The following GABRB2 variants were observed in gnomAD, a reference collection of about 807,000 sequenced individuals.
The protein encoded by GABRB2 is gamma-aminobutyric acid type A receptor subunit beta2, also known as gamma-aminobutyric acid receptor subunit beta-2.
GABRB2 carries 16 observed loss-of-function variants against 54.7 expected under a neutral mutation model. The observed-to-expected ratio is 0.29, with a 90% CI of 0.20 to 0.44. The LOEUF is 0.44. Ranked by LOEUF, GABRB2 falls within the 20% of genes least tolerant of loss-of-function variation. GABRB2 has a pLI of 1.00. For missense variants in GABRB2, 355 were observed against 644.0 expected, an observed-to-expected ratio of 0.55 and a Z score of 4.86; for synonymous variants, 244 against 233.8, an observed-to-expected ratio of 1.04 and a Z score of -0.40.
At chr5:161,537,554 T>C (rs1235695966) in intron 3 of GABRB2, among the ~76,000 whole-genome samples, 1 of 152,234 alleles carries the variant, frequency 6.6e-6, no homozygotes, top group Admixed American at 6.5e-5. Flanking sequence ...TTTCATCTTA[T>C]AAACACAATA....
At chr5:161,328,613 C>T (rs1194344185) in intron 8 of GABRB2, among the ~76,000 whole-genome samples, 2 of 152,102 alleles carry the variant, frequency 1.3e-5, no homozygotes, top group South Asian at 2.1e-4. Flanking sequence ...CTCATGATGT[C>T]TTGATTCTTA....
At chr5:161,476,156 C>CA (rs1758585284) in intron 3 of GABRB2, among the ~76,000 whole-genome samples, 1 of 151,260 alleles carries the variant, frequency 6.6e-6, no homozygotes, top group Non-Finnish European at 1.5e-5. Flanking sequence ...ATGAGAAATA[C>CA]AAAAAAGGAA....
At chr5:161,441,998 A>T (rs1406416019) in intron 4 of GABRB2, among the ~76,000 whole-genome samples, 1 of 152,144 alleles carries the variant, frequency 6.6e-6, no homozygotes, top group Non-Finnish European at 1.5e-5. Context: ...GGAGATGGGG[A>T]CGGTTATTGC....
intron 5 of GABRB2, among the ~76,000 whole-genome samples, chr5:161,410,337 G>A (rs1219670250): frequency 6.6e-6 from 1 of 151,320 alleles, no homozygotes; most frequent in Non-Finnish European, 1.5e-5. Flanking sequence ...CTAAAATCAT[G>A]GCCTAGGAAA....
At chr5:161,309,468 A>T (rs1279996072) in intron 9 of GABRB2, among the ~76,000 whole-genome samples, 1 of 152,188 alleles carries the variant, frequency 6.6e-6, no homozygotes, top group Admixed American at 6.5e-5. Flanking sequence ...AGAGACCTAA[A>T]GACAGAAATA....
At chr5:161,461,559 T>C (rs972474487) in intron 3 of GABRB2, among the ~76,000 whole-genome samples, 3 of 152,212 alleles carry the variant, frequency 2.0e-5, no homozygotes, top group East Asian at 1.9e-4. Flanking sequence ...CAAAAAGCTA[T>C]ATACTATGAA....
intron 3 of GABRB2, among the ~76,000 whole-genome samples, chr5:161,473,216 C>CA (rs1022707751): frequency 6.6e-6 from 1 of 151,990 alleles, no homozygotes; most frequent in Non-Finnish European, 1.5e-5. Context: ...CTTGATAAAG[C>CA]AATGATAGTA....
intron 5 of GABRB2, among the ~76,000 whole-genome samples, chr5:161,393,859 A>G (rs1755911968): frequency 6.6e-6 from 1 of 152,116 alleles, no homozygotes; most frequent in Non-Finnish European, 1.5e-5. Context: ...AAGCTAATAT[A>G]AACATAGAAA....
At chr5:161,389,571 A>AGTGTGT (rs10666283) in intron 5 of GABRB2, among the ~76,000 whole-genome samples, 3,066 of 145,918 alleles carry the variant, frequency 0.021, 100 homozygotes, top group African/African-American at 0.07. Context: ...ATGTTTGTGG[A>AGTGTGT]GTGTGTGTGT....
chr5:161,407,158 G>A (rs1756370405), intron 5 of GABRB2, among the ~76,000 whole-genome samples: 1 of 152,106 alleles, frequency 6.6e-6, no homozygotes, highest in South Asian at 2.1e-4. Flanking sequence ...CCTGGAACCA[G>A]AGTGAAGACT....
intron 9 of GABRB2, among the ~76,000 whole-genome samples, chr5:161,300,265 A>C (rs982523265): frequency 2.0e-5 from 3 of 152,198 alleles, no homozygotes; most frequent in African/African-American, 7.2e-5. Flanking sequence ...TGACTTTACA[A>C]ATCTAGATGT....
chr5:161,421,547 A>G (rs1756853750), intron 4 of GABRB2, among the ~76,000 whole-genome samples: 1 of 152,116 alleles, frequency 6.6e-6, no homozygotes, highest in African/African-American at 2.4e-5. Context: ...TCAATCTCTA[A>G]CATGCCCCCA....
intron 4 of GABRB2, among the ~76,000 whole-genome samples, chr5:161,427,465 G>T (rs570393723): frequency 3.1e-3 from 465 of 152,256 alleles, no homozygotes; most frequent in Admixed American, 6.5e-3. Context: ...ACCTGTCAAG[G>T]TGATGGAGGC....
chr5:161,426,600 T>C (rs1292557659), intron 4 of GABRB2, among the ~76,000 whole-genome samples: 1 of 151,954 alleles, frequency 6.6e-6, no homozygotes, highest in Non-Finnish European at 1.5e-5. Context: ...TGTACCCAAA[T>C]GATGGCATAT....
intron 9 of GABRB2, among the ~76,000 whole-genome samples, chr5:161,323,265 C>T (rs568272376): frequency 7.9e-5 from 12 of 152,142 alleles, no homozygotes; most frequent in South Asian, 2.1e-4. Flanking sequence ...TCAAGTGATC[C>T]GCCCATCTCA....
intron 5 of GABRB2, among the ~76,000 whole-genome samples, chr5:161,343,067 T>C (rs969334606): frequency 1.3e-5 from 2 of 152,076 alleles, no homozygotes; most frequent in Non-Finnish European, 2.9e-5. Context: ...CACTGGGATC[T>C]TTCGAGAGGC....
At chr5:161,497,060 T>G (rs981885507) in intron 3 of GABRB2, among the ~76,000 whole-genome samples, 2 of 152,148 alleles carry the variant, frequency 1.3e-5, no homozygotes, top group African/African-American at 4.8e-5. Context: ...CTCATCCTCA[T>G]GTTAGAAGTT....
chr5:161,532,983 A>G (rs144483652), intron 3 of GABRB2, among the ~76,000 whole-genome samples: 7 of 152,288 alleles, frequency 4.6e-5, no homozygotes, highest in African/African-American at 1.4e-4. Flanking sequence ...TTTCTAAGAC[A>G]CATGCCGATT....
At chr5:161,476,439 CT>C (rs1758593307) in intron 3 of GABRB2, among the ~76,000 whole-genome samples, 1 of 151,738 alleles carries the variant, frequency 6.6e-6, no homozygotes, top group Non-Finnish European at 1.5e-5. Context: ...AAATAGAAAA[CT>C]GTATCCTAAA....
Sources: allele counts gnomAD v4.1 joint callset (sites outside exome capture counted in the v4.1 genomes callset), GRCh38; gene constraint gnomAD v4.1.1; transcripts MANE v1.5; gene names NCBI Gene and HGNC (gene_info 2026-07-23, HGNC 2026-07-21).